FAM83F: variants seen among roughly 807,000 people sequenced by gnomAD.
FAM83F encodes the protein protein FAM83F.
Under a neutral mutation model 42.9 loss-of-function variants are expected in FAM83F, and 45 were observed. The observed-to-expected ratio is 1.05, with a 90% CI of 0.83 to 1.35. FAM83F has a LOEUF of 1.35. Ranked by LOEUF, FAM83F falls within the 40% of genes most tolerant of loss-of-function variation. FAM83F has a pLI of 0.00. For missense variants in FAM83F, 617 were observed against 695.9 expected (o/e 0.89, Z 1.28); for synonymous variants, 306 against 298.3 (o/e 1.03, Z -0.27).
Position 40,021,395 on chromosome 22 carries a change from CGAG to C in FAM83F, c.890_892del (p.Glu297del). 1 of 1,613,652 alleles carries C rather than the reference CGAG, an allele frequency of 6.2e-7. No individual in the cohort carries two copies. The highest frequency in any genetic ancestry group is 8.5e-7 in the Non-Finnish European group (1 of 1,179,676). On this transcript the variant is annotated inframe_deletion, in exon 4 of 5. Transcript: ENST00000333407. This position sits in a 1 kb window ranked among gnomAD's most constrained non-coding sequence, Gnocchi z 8.7. ...AGTTCCGGGAGCTGTACGCCATCTC[CGAG>C]GAGGTGGACTTGTACCGGCAGCTGA...
chr22:40,020,365 T>C (rs1339393410), intron 3 of FAM83F, among the ~76,000 whole-genome samples: 2 of 147,764 alleles, frequency 1.4e-5, no homozygotes, highest in African/African-American at 5.0e-5. Context: ...GAATTTTTTT[T>C]TTTTTTTTTT....
chr22:39,997,532 C>T (rs12166081), intron 1 of FAM83F, among the ~76,000 whole-genome samples: 12 of 152,316 alleles, frequency 7.9e-5, no homozygotes, highest in Admixed American at 3.3e-4. Context: ...CCTCCAAGAG[C>T]TTAACAAATG....
At chr22:40,026,971 G>A (rs1302987769) in intron 4 of FAM83F, among the ~76,000 whole-genome samples, 5 of 152,174 alleles carry the variant, frequency 3.3e-5, no homozygotes, top group Admixed American at 6.5e-5. Flanking sequence ...GTAGCTCGCC[G>A]TTGCTGTCTC....
rs985439758 is a variant in FAM83F, at chr22:40,034,295, C to T, written c.*4730C>T. 5 of 152,308 alleles carry T rather than the reference C, an allele frequency of 3.3e-5. No homozygotes were observed. The highest frequency in any genetic ancestry group is 2.6e-4 in the Admixed American group (4 of 15,288). 9.4% of individuals were successfully genotyped at this position (152,308 alleles called of 1,614,324 possible). ...GCTGCTGATCGTCTGCACTGCTGTT[C>T]CAGGGGCAGGAGGTTTGCTGCAAAT... is the stretch of plus-strand genomic sequence containing the variant. On this transcript the variant is annotated 3_prime_UTR_variant, in exon 5 of 5. Coordinates refer to ENST00000333407, the MANE Select transcript of FAM83F (RefSeq NM_138435.4).
rs2067575966 is a variant in FAM83F, at chr22:40,029,699, T to C, written c.*134T>C. 5 of 1,311,856 alleles carry C rather than the reference T, an allele frequency of 3.8e-6. No homozygotes were observed. In the East Asian group the frequency reaches 1.3e-4, roughly 34 times the overall value. The allele number at this position is 1,311,856 out of a possible 1,614,324, so 81.3% of individuals were successfully genotyped here. A position where few individuals can be genotyped will look rare whatever the true frequency, so the allele number is the denominator to read the frequency against. ...GCCTTCTGCCCTGCAGCCTCCGTCC[T>C]GGCCTCAGGGACGCTGGATCCCAAA... is the stretch of plus-strand genomic sequence containing the variant. On this transcript the variant is annotated 3_prime_UTR_variant, in exon 5 of 5. Transcript: ENST00000333407.
chr22:40,015,798 G>A (rs1319412652), intron 1 of FAM83F, among the ~76,000 whole-genome samples: 1 of 152,096 alleles, frequency 6.6e-6, no homozygotes, highest in South Asian at 2.1e-4. Context: ...GTTCTTAAAG[G>A]CATTTATCTC....
At chr22:40,015,202 G>C (rs1032493756) in intron 1 of FAM83F, among the ~76,000 whole-genome samples, 13 of 152,270 alleles carry the variant, frequency 8.5e-5, no homozygotes, top group African/African-American at 3.1e-4. Context: ...GGCTGGAGAT[G>C]CTGGGAAGAG....
rs143444129 is a variant in FAM83F, at chr22:40,003,816, G to A, written c.489+8285G>A. ...TAATCTGGAAACATATGCACGCCGG[G>A]GCACAGCTTGCACGCCGGTCATCAT... is the stretch of plus-strand genomic sequence containing the variant. On this transcript the variant is annotated intron_variant, in intron 1 of 4. Transcript: ENST00000333407. Among the ~76,000 whole-genome samples, 766 of 152,238 alleles carry A rather than the reference G, an allele frequency of 5.0e-3. 5 individuals are homozygous for A. Among genetic ancestry groups the A allele is most frequent in the Middle Eastern group, 0.01 (3 of 294 alleles).
intron 1 of FAM83F, among the ~76,000 whole-genome samples, chr22:40,005,370 A>G (rs1299279877): frequency 6.6e-6 from 1 of 152,218 alleles, no homozygotes; most frequent in Non-Finnish European, 1.5e-5. Context: ...CTAATGTTAA[A>G]ATGAGCTTGC....
At position 40,013,825 on chromosome 22, in the gene FAM83F, A is replaced by G. The variant is rs971733043; in HGVS notation, c.490-5343A>G. Reference sequence around the variant, plus strand: ...AAAATGCCCTTTAGTAGAGTTTCCAATATTTCTTCCTGAAGGTATTTATTT... The same window carrying G: ...AAAATGCCCTTTAGTAGAGTTTCCAGTATTTCTTCCTGAAGGTATTTATTT... On this transcript the variant is annotated intron_variant, in intron 1 of 4. Coordinates refer to ENST00000333407, the MANE Select transcript of FAM83F (RefSeq NM_138435.4). Among the ~76,000 whole-genome samples, 23 of 152,038 alleles carry G rather than the reference A, an allele frequency of 1.5e-4. 1 individual carries two copies. The highest frequency in any genetic ancestry group is 1.3e-3 in the Admixed American group (20 of 15,270).
rs531827018 is a variant in FAM83F, at chr22:40,031,814, G to C, written c.*2249G>C. On this transcript the variant is annotated 3_prime_UTR_variant, in exon 5 of 5. Coordinates refer to ENST00000333407, the MANE Select transcript of FAM83F (RefSeq NM_138435.4). ...GTGTCGGCACCCCCCGCTCCAAAAG[G>C]CTTGAGACAGAAACTGTAGTCCGAG... is the stretch of plus-strand genomic sequence containing the variant. The C allele has an allele frequency of 6.6e-6, 1 of 152,370 alleles. No individual in the cohort carries two copies. The highest frequency in any genetic ancestry group is 2.1e-4 in the South Asian group (1 of 4,830). 9.4% of individuals were successfully genotyped at this position (152,370 alleles called of 1,614,324 possible).
chr22:39,998,325 A>C (rs2067381269), intron 1 of FAM83F, among the ~76,000 whole-genome samples: 1 of 152,098 alleles, frequency 6.6e-6, no homozygotes, highest in Admixed American at 6.5e-5. Context: ...TTTGCATTTT[A>C]TTTCATTTAA....
chr22:40,013,893 T>C (rs1330388679), intron 1 of FAM83F, among the ~76,000 whole-genome samples: 1 of 152,054 alleles, frequency 6.6e-6, no homozygotes, highest in Non-Finnish European at 1.5e-5. Flanking sequence ...ATGGATCTTA[T>C]TTTCTTTCTT....
At chr22:40,011,414 C>T (rs2145714826) in intron 1 of FAM83F, among the ~76,000 whole-genome samples, 1 of 152,270 alleles carries the variant, frequency 6.6e-6, no homozygotes, top group East Asian at 1.9e-4. Context: ...AAACCCTGAC[C>T]TCAGGTGATC....
chr22:40,019,855 C>T (rs772110228), intron 2 of FAM83F, 32 bp from the exon 3 acceptor site: 3 of 1,587,242 alleles, frequency 1.9e-6, no homozygotes, highest in Non-Finnish European at 1.7e-6. Context: ...TGGCCCAACC[C>T]AGGTGACAGG....
intron 1 of FAM83F, among the ~76,000 whole-genome samples, chr22:40,015,748 T>C (rs1185758742): frequency 6.6e-6 from 1 of 152,200 alleles, no homozygotes; most frequent in Non-Finnish European, 1.5e-5. Context: ...AAGTAATCTC[T>C]CCGCTCACCC....
In FAM83F at chr22:40,023,519, G is replaced by A. The variant is rs1305306054; in HGVS notation, c.1453+1556G>A. Among the ~76,000 whole-genome samples the A allele has an allele frequency of 6.6e-6, 1 of 152,180 alleles. No homozygotes were observed. Among genetic ancestry groups the A allele is most frequent in the Non-Finnish European group, 1.5e-5 (1 of 68,022 alleles). The stretch of plus-strand genomic sequence containing the variant: ...TTTCCCGAGTCCTGACTGAAGTGGA[G>A]TGGAAGCTTTCTCTTCCTTCAGCCC... On this transcript the variant is annotated intron_variant, in intron 4 of 4. Coordinates refer to ENST00000333407, the MANE Select transcript of FAM83F (RefSeq NM_138435.4). The surrounding 1 kb of genome is among the most constrained non-coding windows in gnomAD (Gnocchi z 4.1).
chr22:40,029,429 T>C, intron 4 of FAM83F, 87 bp from the exon 5 acceptor site: 1 of 1,509,040 alleles, frequency 6.6e-7, no homozygotes, highest in Non-Finnish European at 8.9e-7. Flanking sequence ...ACTGGAGATG[T>C]GGACAGCACA....
intron 1 of FAM83F, among the ~76,000 whole-genome samples, chr22:40,004,593 G>A (rs767219646): frequency 1.6e-4 from 25 of 151,998 alleles, no homozygotes; most frequent in African/African-American, 4.6e-4. Context: ...GTGAGCCACC[G>A]CACCCAGCTA....
Sources: gnomAD v4.1 joint callset for allele counts (sites outside exome capture counted in the v4.1 genomes callset) on GRCh38, gnomAD v4.1.1 for gene constraint, Gnocchi (gnomAD v3.1) non-coding constraint, MANE v1.5 for transcripts, NCBI Gene and HGNC (gene_info 2026-07-23, HGNC 2026-07-21) for gene names.